ATRNL1: variants seen among roughly 807,000 people sequenced by gnomAD.
ATRNL1 encodes the protein attractin-like protein 1.
In ATRNL1, 95 loss-of-function variants were observed where a neutral mutation model predicts 182.7. The ratio of observed to expected loss-of-function variants is 0.52; its 90% CI spans 0.44 to 0.62. The LOEUF (loss-of-function observed/expected upper bound fraction) is 0.62, where lower values mean the gene tolerates loss of function less well. Ranked by LOEUF, ATRNL1 falls within the 20% of genes least tolerant of loss-of-function variation. The probability of loss-of-function intolerance (pLI) is 0.00; values close to 1 mark genes in which losing one functional copy is unlikely to be tolerated. For missense variants in ATRNL1, 1,471 were observed against 1,679.5 expected, an observed-to-expected ratio of 0.88 and a Z score of 2.17; for synonymous variants, 576 against 568.3, an observed-to-expected ratio of 1.01 and a Z score of -0.19.
intron 28 of ATRNL1, chr10:115,909,280 A>G (rs1952597712): frequency 6.6e-6 from 1 of 152,032 alleles, no homozygotes; most frequent in South Asian, 2.1e-4. Context: ...CATATTCCTT[A>G]ATCTCTGTAT....
chr10:115,183,569 A>G (rs934922285), intron 8 of ATRNL1, among the ~76,000 whole-genome samples: 2 of 151,616 alleles, frequency 1.3e-5, no homozygotes, highest in Non-Finnish European at 3.0e-5. Context: ...CAACAATGCA[A>G]TTAAATTTGA....
intron 27 of ATRNL1, among the ~76,000 whole-genome samples, chr10:115,798,399 C>T (rs1411759371): frequency 6.6e-6 from 1 of 152,208 alleles, no homozygotes; most frequent in Non-Finnish European, 1.5e-5. Flanking sequence ...CCCCATACCA[C>T]TGCCTGTTGC....
intron 27 of ATRNL1, among the ~76,000 whole-genome samples, chr10:115,740,421 G>A (rs1948101751): frequency 6.6e-6 from 1 of 152,158 alleles, no homozygotes; most frequent in Non-Finnish European, 1.5e-5. Flanking sequence ...TATAGTCCCA[G>A]CTACTTGTGA....
At chr10:115,538,970 T>C (rs1592816847) in intron 25 of ATRNL1, among the ~76,000 whole-genome samples, 1 of 152,340 alleles carries the variant, frequency 6.6e-6, no homozygotes, top group East Asian at 1.9e-4. Flanking sequence ...AGTAACATGC[T>C]ATATAGGTTT....
intron 26 of ATRNL1, among the ~76,000 whole-genome samples, chr10:115,590,629 C>T (rs1855844079): frequency 6.6e-6 from 1 of 152,088 alleles, no homozygotes; most frequent in South Asian, 2.1e-4. Flanking sequence ...ATAGTCACTT[C>T]CCACCTGCCT....
chr10:115,455,414 G>A (rs1473462055), intron 21 of ATRNL1, among the ~76,000 whole-genome samples: 2 of 152,070 alleles, frequency 1.3e-5, no homozygotes, highest in South Asian at 2.1e-4. Context: ...AAATGGTGTT[G>A]GGGAAACTGG....
chr10:115,175,901 G>T (rs1056666089), intron 8 of ATRNL1, among the ~76,000 whole-genome samples: 1 of 152,098 alleles, frequency 6.6e-6, no homozygotes, highest in Non-Finnish European at 1.5e-5. Flanking sequence ...TTCCACAGTG[G>T]TTGAACTAGT....
intron 8 of ATRNL1, among the ~76,000 whole-genome samples, chr10:115,186,762 C>T (rs1056010616): frequency 6.6e-6 from 1 of 151,864 alleles, no homozygotes; most frequent in Non-Finnish European, 1.5e-5. Flanking sequence ...GAGTAAAATC[C>T]TCTATTTGAC....
intron 19 of ATRNL1, among the ~76,000 whole-genome samples, chr10:115,379,103 C>T (rs772272010): frequency 2.3e-4 from 35 of 151,844 alleles, no homozygotes; most frequent in Admixed American, 5.9e-4. Flanking sequence ...TTTGGTTTTG[C>T]TTATAAGTTG....
rs1175361520 is a variant in ATRNL1 at position 115,718,897 on chromosome 10, T to A, written c.3796-8351T>A. On this transcript the variant is annotated intron_variant, in intron 26 of 28. Transcript: ENST00000355044. ...CATGGTTCAGAAGAGTCTCTGGTAT[T>A]TTTTTTGCTGGCATGGAGAAGCTTG... 3.9e-5 allele frequency among the ~76,000 whole-genome samples: 6 copies of A among 152,030 alleles called. No individual in the cohort carries two copies. In the South Asian group the frequency reaches 6.2e-4, roughly 16 times the overall value.
At chr10:115,507,996 G>A (rs1444435359) in intron 24 of ATRNL1, among the ~76,000 whole-genome samples, 7 of 151,958 alleles carry the variant, frequency 4.6e-5, no homozygotes, top group African/African-American at 1.7e-4. Flanking sequence ...AGATGTTGTA[G>A]TTTTTTTACT....
At chr10:115,545,404 GC>G (rs1362446750) in intron 25 of ATRNL1, among the ~76,000 whole-genome samples, 1 of 151,960 alleles carries the variant, frequency 6.6e-6, no homozygotes, top group Non-Finnish European at 1.5e-5. Flanking sequence ...GATTTTAGTA[GC>G]CAAGTTTCTA....
chr10:115,445,562 T>C (rs930193805), intron 21 of ATRNL1, among the ~76,000 whole-genome samples: 2 of 144,772 alleles, frequency 1.4e-5, no homozygotes, highest in Non-Finnish European at 3.0e-5. Context: ...TACACTTACC[T>C]ACATGGACAT....
chr10:115,538,517 T>C (rs1852171827), intron 25 of ATRNL1, among the ~76,000 whole-genome samples: 1 of 152,202 alleles, frequency 6.6e-6, no homozygotes, highest in Non-Finnish European at 1.5e-5. Flanking sequence ...ATTTTTCAAA[T>C]CTTTTGCCTA....
intron 8 of ATRNL1, among the ~76,000 whole-genome samples, chr10:115,203,495 T>C (rs1848673558): frequency 6.6e-6 from 1 of 151,890 alleles, no homozygotes. Flanking sequence ...CATGATAAAG[T>C]ACAAAATGTA....
At chr10:115,290,604 T>C (rs1393388832) in intron 15 of ATRNL1, among the ~76,000 whole-genome samples, 1 of 152,048 alleles carries the variant, frequency 6.6e-6, no homozygotes, top group Non-Finnish European at 1.5e-5. Flanking sequence ...TGCAGTGAGC[T>C]GAGGTCGTGC....
chr10:115,897,535 G>T (rs1215229189), intron 28 of ATRNL1, among the ~76,000 whole-genome samples: 1 of 152,196 alleles, frequency 6.6e-6, no homozygotes, highest in African/African-American at 2.4e-5. Context: ...TGCTTAGAGG[G>T]ATCATGGAGC....
intron 24 of ATRNL1, among the ~76,000 whole-genome samples, chr10:115,513,613 G>C (rs1470490463): frequency 2.6e-5 from 4 of 151,928 alleles, no homozygotes; most frequent in African/African-American, 9.7e-5. Flanking sequence ...AAGAGAATCT[G>C]ATTGAGTTAG....
intron 26 of ATRNL1, among the ~76,000 whole-genome samples, chr10:115,706,548 A>C (rs1202822887): frequency 2.0e-5 from 3 of 151,904 alleles, no homozygotes; most frequent in Non-Finnish European, 4.4e-5. Flanking sequence ...TTTATCTGCC[A>C]CAGCTTTAAT....
Sources: allele counts gnomAD v4.1 joint callset (sites outside exome capture counted in the v4.1 genomes callset), GRCh38; gene constraint gnomAD v4.1.1; transcripts MANE v1.5; gene names NCBI Gene and HGNC (gene_info 2026-07-23, HGNC 2026-07-21).